Variants in CAND1 observed in about 807,000 individuals in gnomAD.
CAND1 encodes cullin-associated NEDD8-dissociated protein 1.
In CAND1, 7 loss-of-function variants were observed where a neutral mutation model predicts 108.5. The ratio of observed to expected loss-of-function variants is 0.06; its 90% CI spans 0.04 to 0.12. The LOEUF (loss-of-function observed/expected upper bound fraction) is 0.12. CAND1 is among the 10% of genes least tolerant of loss of function. CAND1 has a pLI of 1.00. For synonymous variants in CAND1, 534 were observed against 512.0 expected (o/e 1.04, Z -0.58); for missense variants, 941 against 1,448.7 (o/e 0.65, Z 5.69).
At chr12:67,272,757 C>G (rs531103141) in intron 1 of CAND1, among the ~76,000 whole-genome samples, 1 of 151,952 alleles carries the variant, frequency 6.6e-6, no homozygotes, top group Non-Finnish European at 1.5e-5. Context: ...AGTGCAGGGG[C>G]GCCATCTCAG....
Position 67,306,468 on chromosome 12 carries a change from G to T in CAND1, c.2800G>T (p.Ala934Ser). 6.2e-7 allele frequency: 1 copy of T among 1,614,024 alleles called. No individual in the cohort carries two copies. Among genetic ancestry groups the T allele is most frequent in the Admixed American group, 1.7e-5 (1 of 60,012 alleles). ...TAAACCATATGTTGAAAACATCTGG[G>T]CCTTATTACTAAAGCACTGTGAGTG... ...GLKPYVENIW[A>S]LLLKHCECAE... Residue 934 changes from alanine to serine, a missense_variant, in exon 10 of 15, where the codon GCC (alanine) becomes TCC (serine). Around this residue, in one of 9 missense-constraint regions of CAND1, gnomAD observed 106 missense variants for 182.0 expected, o/e 0.58. Coordinates refer to ENST00000545606, the MANE Select transcript of CAND1 (RefSeq NM_018448.5).
At chr12:67,298,555 C>T (rs1412822507) in intron 6 of CAND1, among the ~76,000 whole-genome samples, 2 of 152,108 alleles carry the variant, frequency 1.3e-5, no homozygotes, top group Non-Finnish European at 2.9e-5. Flanking sequence ...GTTCTGTCCT[C>T]TCATTACATC....
chr12:67,300,460 C>T (rs1271460775), intron 7 of CAND1, among the ~76,000 whole-genome samples: 1 of 152,094 alleles, frequency 6.6e-6, no homozygotes, highest in African/African-American at 2.4e-5. Context: ...CCTGCCCCTT[C>T]CCCATCTCCC....
At chr12:67,301,730 C>T (rs2044826511) in intron 7 of CAND1, among the ~76,000 whole-genome samples, 1 of 152,170 alleles carries the variant, frequency 6.6e-6, no homozygotes, top group Admixed American at 6.5e-5. Flanking sequence ...TTAGAATATA[C>T]ATATTTGTTC....
rs1438758748 is a variant in CAND1 at position 67,298,982 on chromosome 12, C to T, written c.887C>T (p.Thr296Ile). The change falls in exon 7 of 15, where the codon ACC becomes ATC. Residue 296 changes from threonine to isoleucine, a missense_variant. This residue lies in a region of CAND1 where 697 missense variants were observed against 942.0 expected (regional missense o/e 0.74). Coordinates refer to ENST00000545606, the MANE Select transcript of CAND1 (RefSeq NM_018448.5). Reference protein sequence around the residue: ...CPKEVYPHVSTIINICLKYLT... With the variant: ...CPKEVYPHVSIIINICLKYLT... ...AAGGAAGTATATCCTCATGTTTCTA[C>T]CATTATAAATATTTGTCTTAAATAT... 3.9e-6 allele frequency: 6 copies of T among 1,537,814 alleles called. No individual in the cohort carries two copies. Among genetic ancestry groups the T allele is most frequent in the Non-Finnish European group, 5.4e-6 (6 of 1,112,918 alleles).
rs61481589 is a variant in CAND1 at position 67,317,473 on chromosome 12, AT to A, written c.*4666del. 0.14 allele frequency: 12,201 copies of A among 88,412 alleles called. 358 individuals carry two copies. The highest frequency in any genetic ancestry group is 0.23 in the African/African-American group (4,191 of 18,504). 5.5% of individuals were successfully genotyped at this position (88,412 alleles called of 1,614,324 possible). On this transcript the variant is annotated 3_prime_UTR_variant, in exon 15 of 15. Transcript: ENST00000545606. ...CTTTTTTCTTTTTTTTTCTTTCTTA[AT>A]TTTTTTTTTTTTTTTTTTTTTTGAG...
intron 7 of CAND1, among the ~76,000 whole-genome samples, chr12:67,301,936 A>G (rs576384586): frequency 2.0e-5 from 3 of 152,198 alleles, no homozygotes; most frequent in South Asian, 2.1e-4. Flanking sequence ...GATTTTTCCT[A>G]TGCTGTTAAG....
At chr12:67,275,051 G>T (rs2044556201) in intron 1 of CAND1, among the ~76,000 whole-genome samples, 2 of 152,042 alleles carry the variant, frequency 1.3e-5, no homozygotes, top group African/African-American at 2.4e-5. Context: ...TACTTAGAAG[G>T]TTGATGGCAG....
intron 13 of CAND1, 156 bp downstream of exon 13, chr12:67,310,472 G>T (rs2044937357): frequency 1.8e-6 from 1 of 548,604 alleles, no homozygotes; most frequent in South Asian, 2.5e-5. Flanking sequence ...AAAGTAATAG[G>T]CAGTGTAACA....
intron 7 of CAND1, 143 bp downstream of exon 7, chr12:67,299,238 A>AT: frequency 2.6e-6 from 2 of 773,604 alleles, no homozygotes; most frequent in Non-Finnish European, 1.9e-6. Context: ...ACAACAGCAA[A>AT]TTAAGTTAGA....
chr12:67,272,723 G>T (rs993108711), intron 1 of CAND1, among the ~76,000 whole-genome samples: 2 of 151,906 alleles, frequency 1.3e-5, no homozygotes, highest in African/African-American at 4.8e-5. Flanking sequence ...TTTTGAGATG[G>T]AGTCTTTTCT....
At chr12:67,297,221 A>G in intron 4 of CAND1, 186 bp from the exon 5 acceptor site, 1 of 684,392 alleles carries the variant, frequency 1.5e-6, no homozygotes, top group Non-Finnish European at 2.6e-6. Context: ...TGCTGCATTC[A>G]CTTAGCTCAG....
chr12:67,289,969 C>T (rs1459969787), intron 2 of CAND1, among the ~76,000 whole-genome samples: 1 of 152,028 alleles, frequency 6.6e-6, no homozygotes, highest in Admixed American at 6.6e-5. Flanking sequence ...CATGATGTTA[C>T]TTATGCTTGA....
In CAND1 at chr12:67,269,601, C is replaced by T; in HGVS notation, c.-117C>T. 5 of 845,032 alleles carry T rather than the reference C, an allele frequency of 5.9e-6. No homozygotes were observed. Among genetic ancestry groups the T allele is most frequent in the South Asian group, 1.6e-5 (1 of 61,778 alleles). The allele number at this position is 845,032 out of a possible 1,614,324, so 52.3% of individuals were successfully genotyped here. A position where few individuals can be genotyped will look rare whatever the true frequency, so the allele number is the denominator to read the frequency against. On this transcript the variant is annotated 5_prime_UTR_variant, in exon 1 of 15. Coordinates refer to ENST00000545606, the MANE Select transcript of CAND1 (RefSeq NM_018448.5). ...GTCAGCGTCGGCGTCGCGCTGCGAC[C>T]CTGGAAGCGGGAGCCGCCGCGAGCG...
At chr12:67,287,857 A>AT (rs34177330) in intron 2 of CAND1, among the ~76,000 whole-genome samples, 71,197 of 112,422 alleles carry the variant, frequency 0.63, 23,957 homozygotes, top group South Asian at 0.8. Flanking sequence ...TTTTGATGTG[A>AT]TTTTTTTTTT....
intron 2 of CAND1, among the ~76,000 whole-genome samples, chr12:67,288,575 G>C (rs2044694138): frequency 6.6e-6 from 1 of 152,116 alleles, no homozygotes. Flanking sequence ...AAATTGTTCT[G>C]ATATTTGTTT....
Position 67,305,377 on chromosome 12 carries a change from C to T in CAND1, c.1709C>T (p.Thr570Ile). 6.2e-7 allele frequency: 1 copy of T among 1,614,062 alleles called. No individual in the cohort carries two copies. The highest frequency in any genetic ancestry group is 8.5e-7 in the Non-Finnish European group (1 of 1,180,004). ...DATPYIKDLFTCTIKRLKAAD... is the reference protein window; with the variant it reads ...DATPYIKDLFICTIKRLKAAD... ...ACTCCTTATATCAAAGATCTATTTA[C>T]CTGTACCATTAAGAGATTAAAAGCA... Residue 570 changes from threonine to isoleucine, a missense_variant, in exon 10 of 15, where the codon ACC (threonine) becomes ATC (isoleucine). By Grantham distance (89) the Thr-to-Ile change is moderately conservative (BLOSUM62 -1). This residue lies in a region of CAND1 where 697 missense variants were observed against 942.0 expected (regional missense o/e 0.74). Coordinates refer to ENST00000545606, the MANE Select transcript of CAND1 (RefSeq NM_018448.5). This position sits in a 1 kb window ranked among gnomAD's most constrained non-coding sequence, Gnocchi z 4.4.
intron 1 of CAND1, 60 bp downstream of exon 1, chr12:67,269,845 G>T: frequency 6.9e-7 from 1 of 1,450,166 alleles, no homozygotes; most frequent in Non-Finnish European, 9.5e-7. Flanking sequence ...GGCCCTGGCC[G>T]TCACGCAGGC....
intron 4 of CAND1, among the ~76,000 whole-genome samples, chr12:67,296,792 G>A (rs1193488747): frequency 6.6e-6 from 1 of 151,722 alleles, no homozygotes; most frequent in Non-Finnish European, 1.5e-5. Flanking sequence ...GTGTAGTTTT[G>A]GTTGTTGTTG....
Sources: allele counts gnomAD v4.1 joint callset (sites outside exome capture counted in the v4.1 genomes callset), GRCh38; gene constraint gnomAD v4.1.1; regional missense constraint gnomAD v4.1.1; non-coding constraint Gnocchi (gnomAD v3.1); transcripts MANE v1.5; gene names NCBI Gene and HGNC (gene_info 2026-07-23, HGNC 2026-07-21).